The following PRKAR1B variants were observed in gnomAD, a reference collection of about 807,000 sequenced individuals.
The protein encoded by PRKAR1B is cAMP-dependent protein kinase type I-beta regulatory subunit.
A neutral mutation model predicts 46.5 loss-of-function variants in PRKAR1B; 22 were observed. The ratio of observed to expected loss-of-function variants is 0.47; its 90% CI spans 0.34 to 0.68. The LOEUF (loss-of-function observed/expected upper bound fraction) is 0.68, where lower values mean the gene tolerates loss of function less well. PRKAR1B is among the 30% of genes least tolerant of loss of function. PRKAR1B has a pLI of 0.01. For synonymous variants in PRKAR1B, 259 were observed against 217.7 expected, an observed-to-expected ratio of 1.19 and a Z score of -1.67; for missense variants, 445 against 535.6, an observed-to-expected ratio of 0.83 and a Z score of 1.67.
chr7:665,993 C>T (rs975316452), intron 4 of PRKAR1B, among the ~76,000 whole-genome samples: 3 of 152,186 alleles, frequency 2.0e-5, no homozygotes, highest in Non-Finnish European at 2.9e-5. Context: ...CCAGGAAGGC[C>T]GCCTCAAGGG....
intron 4 of PRKAR1B, among the ~76,000 whole-genome samples, chr7:665,992 C>T (rs1785899708): frequency 6.6e-6 from 1 of 152,214 alleles, no homozygotes; most frequent in African/African-American, 2.4e-5. Context: ...GCCAGGAAGG[C>T]CGCCTCAAGG....
intron 9 of PRKAR1B, among the ~76,000 whole-genome samples, chr7:570,519 C>A (rs1369746695): frequency 1.3e-5 from 2 of 152,130 alleles, no homozygotes; most frequent in Non-Finnish European, 2.9e-5. Flanking sequence ...ATACCCGTCC[C>A]CCCACTGCCT....
intron 8 of PRKAR1B, among the ~76,000 whole-genome samples, chr7:583,774 T>TCA (rs79131399): frequency 0.42 from 61,988 of 148,208 alleles, 13,236 homozygotes; most frequent in African/African-American, 0.48. Flanking sequence ...CCATGCACAC[T>TCA]CACGTGTACA....
intron 2 of PRKAR1B, among the ~76,000 whole-genome samples, chr7:692,432 G>A (rs554728530): frequency 1.0e-3 from 153 of 151,966 alleles, no homozygotes; most frequent in Middle Eastern, 6.8e-3. Flanking sequence ...GAGAGACAGA[G>A]AGAGAGAGAG....
rs140857791 is a variant in PRKAR1B at position 663,969 on chromosome 7, C to A, written c.440+13260G>T. On this transcript the variant is annotated intron_variant, in intron 4 of 10. Coordinates refer to ENST00000537384, the MANE Select transcript of PRKAR1B (RefSeq NM_001164760.2). ...AACCGTGTGACCTGGGCAAGCCCCCCGCTGTCTCTGAGCCTCAGGGTCCCC... is the reference window on the plus strand; with the variant it reads ...AACCGTGTGACCTGGGCAAGCCCCCAGCTGTCTCTGAGCCTCAGGGTCCCC... Among the ~76,000 whole-genome samples, 131 of 152,334 alleles carry A rather than the reference C, an allele frequency of 8.6e-4. 1 individual carries two copies. Among genetic ancestry groups the A allele is most frequent in the African/African-American group, 3.0e-3 (123 of 41,582 alleles).
chr7:623,687 G>A (rs902656604), intron 4 of PRKAR1B, among the ~76,000 whole-genome samples: 5 of 152,138 alleles, frequency 3.3e-5, no homozygotes, highest in Non-Finnish European at 5.9e-5. Flanking sequence ...TCTCATATTC[G>A]GAGGCAAGCC....
At chr7:698,143 G>A (rs983808120) in intron 2 of PRKAR1B, among the ~76,000 whole-genome samples, 1 of 151,772 alleles carries the variant, frequency 6.6e-6, no homozygotes, top group Non-Finnish European at 1.5e-5. Flanking sequence ...CATGGCTCAT[G>A]CCTGTAATCC....
At chr7:584,733 C>T (rs1312894955) in intron 7 of PRKAR1B, among the ~76,000 whole-genome samples, 165 bp from the exon 8 acceptor site, 2 of 152,184 alleles carry the variant, frequency 1.3e-5, no homozygotes, top group African/African-American at 2.4e-5. Flanking sequence ...TGAGCTGCCA[C>T]GGTGTCCTAT....
chr7:640,765 AACACACACACACACACACACACAC>A (rs71546454), intron 4 of PRKAR1B, among the ~76,000 whole-genome samples: 5 of 108,086 alleles, frequency 4.6e-5, no homozygotes, highest in Non-Finnish European at 9.3e-5. Context: ...CTCTGTCTCA[AACACACACACACACACACACACAC>A]ACACACACAC....
intron 1 of PRKAR1B, among the ~76,000 whole-genome samples, chr7:716,388 C>T (rs1389364133): frequency 2.0e-5 from 3 of 152,140 alleles, no homozygotes; most frequent in Non-Finnish European, 4.4e-5. Flanking sequence ...TCACCACATA[C>T]CTCGCACTTC....
At chr7:683,702 G>A (rs1331990099) in intron 2 of PRKAR1B, among the ~76,000 whole-genome samples, 2 of 152,210 alleles carry the variant, frequency 1.3e-5, no homozygotes, top group African/African-American at 4.8e-5. Context: ...CAGTCACAGA[G>A]ACGCCCTGAC....
chr7:662,243 C>T (rs1413961652), intron 4 of PRKAR1B, among the ~76,000 whole-genome samples: 3 of 110,658 alleles, frequency 2.7e-5, no homozygotes, highest in Non-Finnish European at 1.9e-5. Context: ...TACTCTCCCC[C>T]ACATGGCACA....
At chr7:727,995 T>C (rs1018836246), upstream of PRKAR1B, among the ~76,000 whole-genome samples, 1 of 151,918 alleles carries the variant, frequency 6.6e-6, no homozygotes, top group African/African-American at 2.4e-5. Context: ...GCTTTGAGAC[T>C]CTGCTCTGGT....
rs1347755897 is a variant in PRKAR1B at position 646,335 on chromosome 7, C to T, written c.440+30894G>A. Among the ~76,000 whole-genome samples the T allele has an allele frequency of 3.3e-5, 5 of 152,234 alleles. No individual in the cohort carries two copies. In the South Asian group the frequency reaches 1.0e-3, roughly 31 times the overall value. ...CTGGGATTACAGGCGTGAGCCACCG[C>T]GCCTGGCCTGAGTGCTACGTTTTAA... On this transcript the variant is annotated intron_variant, in intron 4 of 10. Transcript: ENST00000537384.
At chr7:559,499 C>T (rs1778655476) in intron 9 of PRKAR1B, among the ~76,000 whole-genome samples, 1 of 152,192 alleles carries the variant, frequency 6.6e-6, no homozygotes, top group Admixed American at 6.5e-5. Context: ...GCAGGAAGGG[C>T]TCCCCGATAC....
rs182204411 is a variant in PRKAR1B at position 663,517 on chromosome 7, G to A, written c.440+13712C>T. Among the ~76,000 whole-genome samples, 1,044 of 152,236 alleles carry A rather than the reference G, an allele frequency of 6.9e-3. 11 individuals are homozygous for A. Among genetic ancestry groups the A allele is most frequent in the African/African-American group, 0.024 (989 of 41,546 alleles). ...CTCCCAAAGTGCTGGGATTACAGGCGTGAGCCACCGTGCCCGGCCCATTCA... is the reference window on the plus strand; with the variant it reads ...CTCCCAAAGTGCTGGGATTACAGGCATGAGCCACCGTGCCCGGCCCATTCA... On this transcript the variant is annotated intron_variant, in intron 4 of 10. Transcript: ENST00000537384.
intron 9 of PRKAR1B, among the ~76,000 whole-genome samples, chr7:569,242 A>C (rs1779357040): frequency 6.6e-6 from 1 of 152,210 alleles, no homozygotes; most frequent in African/African-American, 2.4e-5. Flanking sequence ...AGAAACCCTG[A>C]GCGTGAGCTG....
chr7:642,605 G>A (rs1784443709), intron 4 of PRKAR1B, among the ~76,000 whole-genome samples: 1 of 151,122 alleles, frequency 6.6e-6, no homozygotes, highest in East Asian at 1.9e-4. Flanking sequence ...GGCGCCTGTA[G>A]TCCCAGCTAC....
Position 550,239 on chromosome 7 carries a change from C to CTT in PRKAR1B, c.*189_*190dup. 1 of 590,578 alleles carries CTT rather than the reference C, an allele frequency of 1.7e-6. No homozygotes were observed. The highest frequency in any genetic ancestry group is 2.9e-5 in the East Asian group (1 of 34,296). 36.6% of individuals were successfully genotyped at this position (590,578 alleles called of 1,614,324 possible). A position where few individuals can be genotyped will look rare whatever the true frequency, so the allele number is the denominator to read the frequency against. ...TTGGGATGCATTTTGTCCGCTTGTC[C>CTT]TTTGATTTGGAAATGCACAAGGTGA... On this transcript the variant is annotated 3_prime_UTR_variant, in exon 11 of 11. Transcript: ENST00000537384.
Sources: gnomAD v4.1 joint callset for allele counts (sites outside exome capture counted in the v4.1 genomes callset) on GRCh38, gnomAD v4.1.1 for gene constraint, MANE v1.5 for transcripts, NCBI Gene and HGNC (gene_info 2026-07-23, HGNC 2026-07-21) for gene names.